The following TMEM161B variants were observed in gnomAD, a reference collection of about 807,000 sequenced individuals.
TMEM161B encodes the protein transmembrane protein 161B.
TMEM161B carries 34 observed loss-of-function variants against 61.8 expected under a neutral mutation model. That is an observed-to-expected ratio of 0.55 (90% CI 0.42 to 0.73). The LOEUF (loss-of-function observed/expected upper bound fraction) is 0.73, where lower values mean the gene tolerates loss of function less well. Among genes scored for constraint, TMEM161B ranks in the 30% least tolerant of loss-of-function variants. The pLI, the probability that TMEM161B is intolerant of heterozygous loss-of-function variation, is 0.00. For missense variants in TMEM161B, 456 were observed against 558.5 expected (o/e 0.82, Z 1.85); for synonymous variants, 167 against 192.8 (o/e 0.87, Z 1.11).
At chr5:88,264,901 G>A (rs1047159845) in intron 1 of TMEM161B, among the ~76,000 whole-genome samples, 5 of 151,926 alleles carry the variant, frequency 3.3e-5, no homozygotes, top group Non-Finnish European at 5.9e-5. Flanking sequence ...CATGGACACA[G>A]AGGGGGTAAC....
chr5:88,243,972 T>C (rs1021925084), intron 1 of TMEM161B, among the ~76,000 whole-genome samples: 9 of 152,072 alleles, frequency 5.9e-5, no homozygotes, highest in East Asian at 1.9e-4. Context: ...CACTTTTTGA[T>C]TGGGTTGTCT....
In TMEM161B at chr5:88,205,848, C is replaced by T; in HGVS notation, c.766G>A (p.Asp256Asn). 1 of 1,612,780 alleles carries T rather than the reference C, an allele frequency of 6.2e-7. No individual in the cohort carries two copies. Among genetic ancestry groups the T allele is most frequent in the Non-Finnish European group, 8.5e-7 (1 of 1,179,366 alleles). Residue 256 changes from aspartate to asparagine, a missense_variant, in exon 8 of 12, where the codon GAT becomes AAT. Transcript: ENST00000296595. ...TTTTCTGTTGCCAAATTCAGGGCAT[C>T]CAGATGCATTTGAGCCAGTCGTAAT... Reference protein sequence around the residue: ...PGLRLAQMHLDALNLATEKIT... With the variant: ...PGLRLAQMHLNALNLATEKIT...
Position 88,199,131 on chromosome 5 carries a change from C to G in TMEM161B, c.934G>C (p.Asp312His), listed in dbSNP as rs752871590. 6.2e-7 allele frequency: 1 copy of G among 1,609,962 alleles called. No homozygotes were observed. The highest frequency in any genetic ancestry group is 1.1e-5 in the South Asian group (1 of 90,544). Residue 312 changes from aspartate to histidine, a missense_variant, in exon 10 of 12, where the codon GAT becomes CAT. By Grantham distance (81) the Asp-to-His change is moderately conservative (BLOSUM62 -1). This residue lies in a region of TMEM161B where 367 missense variants were observed against 427.3 expected (regional missense o/e 0.86). Transcript: ENST00000296595. ...SIPLMTEATFDTLRLWLIILL... is the reference protein window; with the variant it reads ...SIPLMTEATFHTLRLWLIILL... Reference sequence around the variant, plus strand: ...ATTATTAACCAGAGTCGCAGAGTATCGAATGTGGCTTCTGTCATTCTACAG... The same window carrying G: ...ATTATTAACCAGAGTCGCAGAGTATGGAATGTGGCTTCTGTCATTCTACAG...
At chr5:88,224,917 T>C (rs1362245928) in intron 4 of TMEM161B, among the ~76,000 whole-genome samples, 1 of 152,120 alleles carries the variant, frequency 6.6e-6, no homozygotes, top group Admixed American at 6.5e-5. Flanking sequence ...GCTTACTTTA[T>C]TGTTATAACA....
intron 2 of TMEM161B, among the ~76,000 whole-genome samples, chr5:88,231,017 T>C (rs148168715): frequency 1.3e-4 from 20 of 152,234 alleles, no homozygotes; most frequent in East Asian, 5.8e-4. Flanking sequence ...ATTGTCCCTA[T>C]ATAATGAAAC....
At chr5:88,206,723 T>C (rs1745571575) in intron 6 of TMEM161B, among the ~76,000 whole-genome samples, 1 of 152,076 alleles carries the variant, frequency 6.6e-6, no homozygotes, top group Non-Finnish European at 1.5e-5. Flanking sequence ...ATTCCATGAG[T>C]GTGCATAAAA....
At chr5:88,211,654 C>T (rs145293799) in intron 5 of TMEM161B, among the ~76,000 whole-genome samples, 23 of 151,812 alleles carry the variant, frequency 1.5e-4, no homozygotes, top group Admixed American at 2.0e-4. Context: ...CCTGTAATCC[C>T]AGCTAACTCG....
At chr5:88,204,834 A>T (rs1229370293) in intron 8 of TMEM161B, among the ~76,000 whole-genome samples, 2 of 145,568 alleles carry the variant, frequency 1.4e-5, no homozygotes, top group African/African-American at 5.3e-5. Flanking sequence ...TTATGTAGAA[A>T]AATGGAAGTG....
intron 5 of TMEM161B, among the ~76,000 whole-genome samples, chr5:88,219,639 GAAAAGC>G (rs1748552282): frequency 6.6e-6 from 1 of 152,088 alleles, no homozygotes. Context: ...AGGTATACAT[GAAAAGC>G]AAAAGGATAT....
At chr5:88,201,679 GT>G (rs1744434522) in intron 9 of TMEM161B, 1 of 152,108 alleles carries the variant, frequency 6.6e-6, no homozygotes, top group South Asian at 2.1e-4. Flanking sequence ...AATGCTTTCA[GT>G]ATCAAAGATA....
At chr5:88,194,479 CAAT>C (rs1414043425), downstream of TMEM161B, among the ~76,000 whole-genome samples, 2 of 152,026 alleles carry the variant, frequency 1.3e-5, no homozygotes, top group Non-Finnish European at 2.9e-5. Flanking sequence ...CTTTTTGATA[CAAT>C]GATTGCCTTT....
intron 5 of TMEM161B, among the ~76,000 whole-genome samples, chr5:88,211,966 C>T (rs1746891787): frequency 1.3e-5 from 2 of 151,948 alleles, no homozygotes; most frequent in African/African-American, 4.8e-5. Flanking sequence ...AAGCCCACCA[C>T]AAGGAAGTAA....
chr5:88,190,063 C>G (rs1339735305), downstream of TMEM161B: 2 of 700,494 alleles, frequency 2.9e-6, no homozygotes, highest in Non-Finnish European at 5.2e-6. Flanking sequence ...CAAAGAAGCA[C>G]ATGGGTTATT....
At chr5:88,248,987 G>T (rs1753982865) in intron 1 of TMEM161B, among the ~76,000 whole-genome samples, 1 of 152,008 alleles carries the variant, frequency 6.6e-6, no homozygotes, top group Admixed American at 6.6e-5. Context: ...GACACATTAG[G>T]TATTTCCAAA....
chr5:88,239,305 G>A (rs748436934), intron 2 of TMEM161B, among the ~76,000 whole-genome samples: 9 of 151,912 alleles, frequency 5.9e-5, no homozygotes, highest in Non-Finnish European at 1.0e-4. Context: ...AGGAGATAAG[G>A]AAGTGACATT....
chr5:88,250,994 T>A (rs1580697261), intron 1 of TMEM161B: 1 of 152,308 alleles, frequency 6.6e-6, no homozygotes, highest in African/African-American at 2.4e-5. Context: ...AAGAAATGGC[T>A]CAACTGACTG....
chr5:88,229,541 C>T (rs953400844), intron 2 of TMEM161B, among the ~76,000 whole-genome samples: 3 of 150,740 alleles, frequency 2.0e-5, no homozygotes, highest in Middle Eastern at 3.2e-3. Context: ...CTTATTTTTC[C>T]GTAATACAAA....
At chr5:88,216,350 A>T (rs1747829335) in intron 5 of TMEM161B, among the ~76,000 whole-genome samples, 1 of 152,238 alleles carries the variant, frequency 6.6e-6, no homozygotes, top group Admixed American at 6.5e-5. Context: ...TTATCACGGG[A>T]AAATATTTTT....
chr5:88,250,612 G>C (rs1754212910), intron 1 of TMEM161B: 1 of 152,178 alleles, frequency 6.6e-6, no homozygotes, highest in Non-Finnish European at 1.5e-5. Context: ...ACCAGAACAG[G>C]AGAAGGAAGA....
Sources: gnomAD v4.1 joint callset for allele counts (sites outside exome capture counted in the v4.1 genomes callset) on GRCh38, gnomAD v4.1.1 for gene constraint, gnomAD v4.1.1 regional missense constraint, MANE v1.5 for transcripts, NCBI Gene and HGNC (gene_info 2026-07-23, HGNC 2026-07-21) for gene names.